PRSS36: variants seen among roughly 807,000 people sequenced by gnomAD.
PRSS36 encodes polyserase-2.
Under a neutral mutation model 94.3 loss-of-function variants are expected in PRSS36, and 90 were observed. The ratio of observed to expected loss-of-function variants is 0.95; its 90% CI spans 0.80 to 1.14. The LOEUF (loss-of-function observed/expected upper bound fraction) is 1.14. Among genes scored for constraint, PRSS36 ranks in the 50% most tolerant of loss-of-function variants. PRSS36 has a pLI of 0.00. For missense variants in PRSS36, 1,158 were observed against 1,135.0 expected, an observed-to-expected ratio of 1.02 and a Z score of -0.29; for synonymous variants, 500 against 489.6, an observed-to-expected ratio of 1.02 and a Z score of -0.28.
chr16:31,148,116 T>G (rs2057824711), intron 5 of PRSS36, among the ~76,000 whole-genome samples: 1 of 152,082 alleles, frequency 6.6e-6, no homozygotes, highest in African/African-American at 2.4e-5. Flanking sequence ...GGAACCCTAG[T>G]CGGAGCCTAA....
At chr16:31,144,453 G>C (rs917591779) in intron 6 of PRSS36, among the ~76,000 whole-genome samples, 1 of 152,224 alleles carries the variant, frequency 6.6e-6, no homozygotes, top group Non-Finnish European at 1.5e-5. Flanking sequence ...GGGATTACAG[G>C]CGTGAGCCAT....
rs750239713 is a variant in PRSS36 at position 31,142,975 on chromosome 16, G to A, written c.1119C>T (p.Ser373=). 2.2e-5 allele frequency: 31 copies of A among 1,405,866 alleles called. No homozygotes were observed. The highest frequency in any genetic ancestry group is 9.2e-7 in the Non-Finnish European group (1 of 1,084,940). 87.1% of individuals were successfully genotyped at this position (1,405,866 alleles called of 1,614,324 possible). A position where few individuals can be genotyped will look rare whatever the true frequency, so the allele number is the denominator to read the frequency against. ...SCFLDPNSSD[S]PPRDLDAWRV... Reference sequence around the variant, plus strand: ...GCCAGGCGTCGAGGTCGCGGGGTGGGCTGTCGGAGCTGTTCGGGCTGCGGG... The same window carrying A: ...GCCAGGCGTCGAGGTCGCGGGGTGGACTGTCGGAGCTGTTCGGGCTGCGGG... The change falls in exon 9 of 15, where the codon AGC becomes AGT. Residue 373 remains serine, a synonymous_variant. Transcript: ENST00000268281.
rs1376609571 is a variant in PRSS36 at position 31,141,498 on chromosome 16, C to T, written c.1872G>A (p.Trp624Ter). Residue 624 changes from tryptophan to a stop codon, truncating the protein, a stop_gained, in exon 12 of 15, where the codon TGG (tryptophan) becomes TGA (stop). Transcript: ENST00000268281. LOFTEE classifies it high-confidence loss of function. ...VCTGILLAPG[W>*]VLAATHCVLR... ...GGACACAGTGAGTGGCTGCCAGGAC[C>T]CAGCCTGGGGCCAGGAGGATCCCAG... 3 of 1,612,702 alleles carry T rather than the reference C, an allele frequency of 1.9e-6. No individual in the cohort carries two copies. The highest frequency in any genetic ancestry group is 2.5e-6 in the Non-Finnish European group (3 of 1,179,834).
rs987504572 is a variant in PRSS36 at position 31,142,539 on chromosome 16, T to A, written c.1463A>T (p.Asp488Val). Reference sequence around the variant, plus strand: ...GGCAGGGCAGAGCGCGTGCGGCGGGTCTCCGGGCAGCGGTACTGCCGCCCC... The same window carrying A: ...GGCAGGGCAGAGCGCGTGCGGCGGGACTCCGGGCAGCGGTACTGCCGCCCC... ...RQGAAVPLPG[D>V]PPHALCPAYQ... The change falls in exon 10 of 15, where the codon GAC (aspartate) becomes GTC (valine). Residue 488 changes from aspartate (D) to valine (V), a missense_variant. Transcript: ENST00000268281. The A allele has an allele frequency of 2.0e-6, 3 of 1,514,698 alleles. No homozygotes were observed. The African/African-American group carries it at 4.2e-5, about 21-fold the overall frequency. The allele number at this position is 1,514,698 out of a possible 1,614,324, so 93.8% of individuals were successfully genotyped here.
rs1437852161 is a variant in PRSS36 at position 31,139,100 on chromosome 16, G to T, written c.*38C>A. 6.6e-7 allele frequency: 1 copy of T among 1,513,662 alleles called. No homozygotes were observed. Among genetic ancestry groups the T allele is most frequent in the Non-Finnish European group, 8.9e-7 (1 of 1,129,412 alleles). 93.8% of individuals were successfully genotyped at this position (1,513,662 alleles called of 1,614,324 possible). ...CAGCCCCACTGGGCGGGAAGTAGAG[G>T]GTGGAGAAGGGGGAAGTGGTGCTGG... On this transcript the variant is annotated 3_prime_UTR_variant, in exon 15 of 15. Coordinates refer to ENST00000268281, the MANE Select transcript of PRSS36 (RefSeq NM_173502.5).
chr16:31,141,809 TA>T lies in PRSS36; in HGVS notation c.1672del (p.Tyr558ThrfsTer6), dbSNP rs1210445972. On this transcript the variant is annotated frameshift_variant, in exon 11 of 15. Transcript: ENST00000268281. LOFTEE classifies it high-confidence loss of function. ...PWISHVTRGA[Y>X]LEDQLAWDWG... ...ATCCCAGGCTAGCTGGTCCTCCAGGTAGGCTCCCCGAGTCACATGGCTGATC... is the reference window on the plus strand; with the variant it reads ...ATCCCAGGCTAGCTGGTCCTCCAGGTGGCTCCCCGAGTCACATGGCTGATC... The T allele has an allele frequency of 6.8e-6, 11 of 1,614,026 alleles. No individual in the cohort carries two copies. Among genetic ancestry groups the T allele is most frequent in the Non-Finnish European group, 9.3e-6 (11 of 1,180,014 alleles).
rs1183178601 is a variant in PRSS36, at chr16:31,142,859, G to T, written c.1235C>A (p.Ala412Glu). 1.3e-6 allele frequency: 2 copies of T among 1,557,836 alleles called. No individual in the cohort carries two copies. Among genetic ancestry groups the T allele is most frequent in the East Asian group, 5.1e-5 (2 of 39,244 alleles). Residue 412 changes from alanine to glutamate, a missense_variant, in exon 9 of 15, where the codon GCG becomes GAG. Ala to Glu is a moderately radical substitution (Grantham distance 107, BLOSUM62 -1). Coordinates refer to ENST00000268281, the MANE Select transcript of PRSS36 (RefSeq NM_173502.5). ...CACGGGCGTGCGCAGCTGCAGCAGC[G>T]CCAGGTCCGAGGCGTTGTCCCACGA... ...NASWDNASDL[A>E]LLQLRTPVNL...
rs1342266199 is a variant in PRSS36, at chr16:31,140,492, C to T, written c.2167G>A (p.Val723Ile). 6.3e-7 allele frequency: 1 copy of T among 1,585,450 alleles called. No individual in the cohort carries two copies. The highest frequency in any genetic ancestry group is 1.2e-5 in the South Asian group (1 of 85,330). The change falls in exon 13 of 15, where the codon GTC (valine) becomes ATC (isoleucine). Residue 723 changes from valine to isoleucine, a missense_variant and splice_region_variant. Val to Ile is a conservative substitution (Grantham distance 29). Transcript: ENST00000268281. Reference protein sequence around the residue: ...VLGWKEPQDRVPVAAAVSILT... With the variant: ...VLGWKEPQDRIPVAAAVSILT... ...CGTTCCCGTGACCCAGGGGTCTCAC[C>T]TCGGTCCTGGGGTTCTTTCCAGCCC... is the stretch of plus-strand genomic sequence containing the variant.
Position 31,139,319 on chromosome 16 carries a change from A to G in PRSS36, c.2387T>C (p.Ile796Thr), listed in dbSNP as rs2057642109. The change falls in exon 15 of 15, where the codon ATT (isoleucine) becomes ACT (threonine). Residue 796 changes from isoleucine (I) to threonine (T), a missense_variant. Transcript: ENST00000268281. Reference sequence around the variant, plus strand: ...GGAGATCCAGGCCTCTTCAGGACCAATGGCAGCAAACAGCTCCCGGCTCCC... The same window carrying G: ...GGAGATCCAGGCCTCTTCAGGACCAGTGGCAGCAAACAGCTCCCGGCTCCC... Reference protein sequence around the residue: ...VQGSRELFAAIGPEEAWISQT... With the variant: ...VQGSRELFAATGPEEAWISQT... 6.2e-7 allele frequency: 1 copy of G among 1,614,160 alleles called. No homozygotes were observed. The highest frequency in any genetic ancestry group is 1.1e-5 in the South Asian group (1 of 91,088).
chr16:31,141,770 C>G lies in PRSS36; in HGVS notation c.1712G>C (p.Gly571Ala). The change falls in exon 11 of 15, where the codon GGG becomes GCG. Residue 571 changes from glycine to alanine, a missense_variant. Physicochemically the swap from Gly to Ala is moderately conservative, Grantham distance 60 (BLOSUM62 0). Transcript: ENST00000268281. ...DQLAWDWGPD[G>A]EETETQTCPP... The stretch of plus-strand genomic sequence containing the variant: ...ACAAGTCTGTGTCTCAGTCTCCTCC[C>G]CATCAGGGCCCCAATCCCAGGCTAG... 9 of 1,614,150 alleles carry G rather than the reference C, an allele frequency of 5.6e-6. No homozygotes were observed. Among genetic ancestry groups the G allele is most frequent in the Non-Finnish European group, 7.6e-6 (9 of 1,179,992 alleles).
intron 6 of PRSS36, among the ~76,000 whole-genome samples, chr16:31,144,885 C>T (rs996941006): frequency 2.6e-5 from 4 of 151,592 alleles, no homozygotes; most frequent in African/African-American, 9.7e-5. Flanking sequence ...GTCGGGAGTT[C>T]GAGACCAGCC....
intron 12 of PRSS36, among the ~76,000 whole-genome samples, chr16:31,141,069 G>C (rs1374672483): frequency 6.6e-6 from 1 of 152,148 alleles, no homozygotes; most frequent in Non-Finnish European, 1.5e-5. Flanking sequence ...TGGGGTTACA[G>C]GCGCCTGCCA....
At chr16:31,147,478 G>A (rs781139209) in intron 5 of PRSS36, among the ~76,000 whole-genome samples, 29 of 152,170 alleles carry the variant, frequency 1.9e-4, no homozygotes, top group Non-Finnish European at 3.5e-4. Context: ...GATGGGCACA[G>A]GTCTGACCAC....
In PRSS36 at chr16:31,143,747, T is replaced by C. The variant is rs1318205079; in HGVS notation, c.811A>G (p.Asn271Asp). The C allele has an allele frequency of 1.2e-6, 2 of 1,614,116 alleles. No homozygotes were observed. Among genetic ancestry groups the C allele is most frequent in the Admixed American group, 3.3e-5 (2 of 60,014 alleles). The stretch of plus-strand genomic sequence containing the variant: ...ACAGCAGTGAAAACTCCAGGGCGGT[T>C]TCTCCGTCCACAGCCAAAGCCAAAG... ...TSFGFGCGRRNRPGVFTAVAT... is the reference protein window; with the variant it reads ...TSFGFGCGRRDRPGVFTAVAT... The change falls in exon 7 of 15, where the codon AAC (asparagine) becomes GAC (aspartate). Residue 271 changes from asparagine to aspartate, a missense_variant. Transcript: ENST00000268281.
At chr16:31,142,192 G>A (rs1225513474) in intron 10 of PRSS36, among the ~76,000 whole-genome samples, 1 of 152,194 alleles carries the variant, frequency 6.6e-6, no homozygotes, top group Non-Finnish European at 1.5e-5. Flanking sequence ...GCCCGCCTCA[G>A]CTCCCTCCCA....
rs2057689149 is a variant in PRSS36 at position 31,141,515 on chromosome 16, G to A, written c.1855C>T (p.Leu619Phe). ...GCCAGGACCCAGCCTGGGGCCAGGA[G>A]GATCCCAGTGCAGACTCGATCACCA... is the stretch of plus-strand genomic sequence containing the variant. The part of the protein sequence containing the change: ...VAGDRVCTGI[L>F]LAPGWVLAAT... Residue 619 changes from leucine to phenylalanine, a missense_variant, in exon 12 of 15, where the codon CTC (leucine) becomes TTC (phenylalanine). Transcript: ENST00000268281. 1 of 1,613,126 alleles carries A rather than the reference G, an allele frequency of 6.2e-7. No homozygotes were observed.
chr16:31,148,408 G>T lies in PRSS36; in HGVS notation c.540C>A (p.Asp180Glu). The T allele has an allele frequency of 1.3e-6, 2 of 1,568,410 alleles. No homozygotes were observed. Among genetic ancestry groups the T allele is most frequent in the South Asian group, 1.1e-5 (1 of 87,362 alleles). ...CGTCCCACTCACCTGCCTCCTGGAC[G>T]TCTCCCCAGCCGGTGGCCCAGCAGG... Reference protein sequence around the residue: ...GTACWATGWGDVQEADPLPLP... With the variant: ...GTACWATGWGEVQEADPLPLP... The change falls in exon 5 of 15, where the codon GAC becomes GAA. Residue 180 changes from aspartate (D) to glutamate (E), a missense_variant. Transcript: ENST00000268281.
intron 12 of PRSS36, 77 bp from the exon 13 acceptor site, chr16:31,140,834 G>A: frequency 6.6e-7 from 1 of 1,514,240 alleles, no homozygotes; most frequent in East Asian, 2.3e-5. Context: ...GGGGAAGGAT[G>A]ACTCTCTGGG....
chr16:31,142,443 C>G (rs929177798), intron 10 of PRSS36, 38 bp downstream of exon 10: 3 of 1,417,370 alleles, frequency 2.1e-6, no homozygotes, highest in Admixed American at 5.7e-5. Flanking sequence ...AGAGCCCTCT[C>G]GGGCCCGCGT....
Sources: allele counts gnomAD v4.1 joint callset (sites outside exome capture counted in the v4.1 genomes callset), GRCh38; gene constraint gnomAD v4.1.1; transcripts MANE v1.5; gene names NCBI Gene and HGNC (gene_info 2026-07-23, HGNC 2026-07-21).